The following ADAMTS2 variants were observed in gnomAD, a reference collection of about 807,000 sequenced individuals.
ADAMTS2 encodes the protein ADAM metallopeptidase with thrombospondin type 1 motif 2.
A neutral mutation model predicts 123.0 loss-of-function variants in ADAMTS2; 50 were observed. The observed-to-expected ratio is 0.41, with a 90% CI of 0.32 to 0.51. The LOEUF is 0.51. Among genes scored for constraint, ADAMTS2 ranks in the 20% least tolerant of loss-of-function variants. The pLI is 0.35. For synonymous variants in ADAMTS2, 678 were observed against 695.4 expected (o/e 0.98, Z 0.39); for missense variants, 1,494 against 1,705.2 (o/e 0.88, Z 2.18).
rs566367086 is a variant in ADAMTS2, at chr5:179,285,830, T to A, written c.535-12766A>T. Reference sequence around the variant, plus strand: ...CAAGATTTTTCTTTCTGAGCTTCCATGTCTCACCAGCTGGACCACAGCAGA... The same window carrying A: ...CAAGATTTTTCTTTCTGAGCTTCCAAGTCTCACCAGCTGGACCACAGCAGA... On this transcript the variant is annotated intron_variant, in intron 2 of 21. Transcript: ENST00000251582. The surrounding 1 kb of genome is among the most constrained non-coding windows in gnomAD (Gnocchi z 4.9). 6.6e-6 allele frequency among the ~76,000 whole-genome samples: 1 copy of A among 152,210 alleles called. No homozygotes were observed. Among genetic ancestry groups the A allele is most frequent in the Admixed American group, 6.5e-5 (1 of 15,278 alleles).
chr5:179,327,121 G>A (rs1472347765), intron 2 of ADAMTS2, among the ~76,000 whole-genome samples: 1 of 152,172 alleles, frequency 6.6e-6, no homozygotes, highest in Non-Finnish European at 1.5e-5. Flanking sequence ...TGGTTCTCAA[G>A]AGAAACTGGA....
At chr5:179,178,437 G>A (rs1466575496) in intron 5 of ADAMTS2, among the ~76,000 whole-genome samples, 1 of 152,222 alleles carries the variant, frequency 6.6e-6, no homozygotes, top group Admixed American at 6.5e-5. Flanking sequence ...AGGATGCCCT[G>A]CACATCCCTC....
intron 3 of ADAMTS2, among the ~76,000 whole-genome samples, chr5:179,215,432 G>C (rs1764960094): frequency 1.3e-5 from 2 of 152,140 alleles, no homozygotes; most frequent in Admixed American, 6.6e-5. Context: ...TGAGCAACAA[G>C]AGTGAAACTC....
chr5:179,327,355 C>T (rs937421239), intron 2 of ADAMTS2, among the ~76,000 whole-genome samples: 1 of 152,182 alleles, frequency 6.6e-6, no homozygotes, highest in Non-Finnish European at 1.5e-5. Context: ...CGAATCTACT[C>T]GCCAGCCTTC....
intron 3 of ADAMTS2, among the ~76,000 whole-genome samples, chr5:179,230,509 TGCACACAG>T (rs34403672): frequency 0.21 from 31,180 of 151,968 alleles, 3,991 homozygotes; most frequent in East Asian, 0.6. Flanking sequence ...GGGAGGGCTG[TGCACACAG>T]GCACACAGAG....
chr5:179,130,201 C>T lies in ADAMTS2; in HGVS notation c.2291-103G>A, dbSNP rs1028200680. On this transcript the variant is annotated intron_variant, in intron 15 of 21. Coordinates refer to ENST00000251582, the MANE Select transcript of ADAMTS2 (RefSeq NM_014244.5). The surrounding 1 kb of genome is among the most constrained non-coding windows in gnomAD (Gnocchi z 4.3). ...GGAGTGGGGGCAGCTAGCTGGACCC[C>T]TTGTCTCTCTGGCTGCCCCCGGCCA... The T allele has an allele frequency of 4.2e-6, 6 of 1,428,244 alleles. No individual in the cohort carries two copies. Among genetic ancestry groups the T allele is most frequent in the Admixed American group, 1.8e-5 (1 of 54,598 alleles). The allele number at this position is 1,428,244 out of a possible 1,614,324, so 88.5% of individuals were successfully genotyped here. A position where few individuals can be genotyped will look rare whatever the true frequency, so the allele number is the denominator to read the frequency against.
rs1764256442 is a variant in ADAMTS2 at position 179,189,572 on chromosome 5, T to TG, written c.892-8418dup. On this transcript the variant is annotated intron_variant, in intron 4 of 21. Coordinates refer to ENST00000251582, the MANE Select transcript of ADAMTS2 (RefSeq NM_014244.5). The surrounding 1 kb of genome is among the most constrained non-coding windows in gnomAD (Gnocchi z 4.2). ...CAGGGTTTCACAATGTTAGCCAGGA[T>TG]GGTCTTGATCTCCTGACTTCATGAT... Among the ~76,000 whole-genome samples, 1 of 134,656 alleles carries TG rather than the reference T, an allele frequency of 7.4e-6. No homozygotes were observed. Among genetic ancestry groups the TG allele is most frequent in the Admixed American group, 8.4e-5 (1 of 11,870 alleles). 88.3% of individuals were successfully genotyped at this position (134,656 alleles called of 152,430 possible). A position where few individuals can be genotyped will look rare whatever the true frequency, so the allele number is the denominator to read the frequency against.
Position 179,262,526 on chromosome 5 carries a change from T to TCC in ADAMTS2, c.688+10383_688+10384dup, listed in dbSNP as rs1021865240. 1.3e-5 allele frequency among the ~76,000 whole-genome samples: 2 copies of TCC among 151,746 alleles called. No individual in the cohort carries two copies. Among genetic ancestry groups the TCC allele is most frequent in the African/African-American group, 4.8e-5 (2 of 41,288 alleles). Reference sequence around the variant, plus strand: ...CCTCCCGGCCCTGCACGCCTCCCACTCCCCCATTACGTCCTCAGTTCCAGG... The same window carrying TCC: ...CCTCCCGGCCCTGCACGCCTCCCACTCCCCCCCATTACGTCCTCAGTTCCAGG... On this transcript the variant is annotated intron_variant, in intron 3 of 21. Coordinates refer to ENST00000251582, the MANE Select transcript of ADAMTS2 (RefSeq NM_014244.5). The surrounding 1 kb of genome is among the most constrained non-coding windows in gnomAD (Gnocchi z 5.9).
At position 179,312,102 on chromosome 5, in the gene ADAMTS2, G is replaced by A. The variant is rs1200015564; in HGVS notation, c.534+31665C>T. Among the ~76,000 whole-genome samples, 1 of 152,154 alleles carries A rather than the reference G, an allele frequency of 6.6e-6. No homozygotes were observed. The highest frequency in any genetic ancestry group is 1.5e-5 in the Non-Finnish European group (1 of 68,026). ...ATAACAGTCAGACGACCATGGCAGT[G>A]GTCAGCTGAAAAATGGCCCCCGAAG... On this transcript the variant is annotated intron_variant, in intron 2 of 21. Coordinates refer to ENST00000251582, the MANE Select transcript of ADAMTS2 (RefSeq NM_014244.5). The surrounding 1 kb of genome is among the most constrained non-coding windows in gnomAD (Gnocchi z 4.2).
chr5:179,219,764 C>T (rs956540642), intron 3 of ADAMTS2, among the ~76,000 whole-genome samples: 19 of 152,138 alleles, frequency 1.2e-4, no homozygotes, highest in African/African-American at 4.1e-4. Flanking sequence ...AACACAACTT[C>T]CCCCTCTTCA....
At chr5:179,274,197 A>G (rs1406358435) in intron 2 of ADAMTS2, among the ~76,000 whole-genome samples, 10 of 151,386 alleles carry the variant, frequency 6.6e-5, no homozygotes, top group Admixed American at 2.6e-4. Context: ...TGACAACTCC[A>G]GCTCCTACAC....
chr5:179,324,764 G>T (rs1476617052), intron 2 of ADAMTS2, among the ~76,000 whole-genome samples: 1 of 152,082 alleles, frequency 6.6e-6, no homozygotes, highest in Non-Finnish European at 1.5e-5. Context: ...TTTGATCAGG[G>T]GTCCATGGGC....
intron 10 of ADAMTS2, among the ~76,000 whole-genome samples, chr5:179,146,971 A>G (rs1414355819): frequency 1.3e-5 from 2 of 152,210 alleles, no homozygotes; most frequent in African/African-American, 4.8e-5. Flanking sequence ...GACGTAACCA[A>G]CATTTCTGCA....
chr5:179,336,643 C>T (rs74884811), intron 2 of ADAMTS2, among the ~76,000 whole-genome samples: 18,646 of 152,192 alleles, frequency 0.12, 1,486 homozygotes, highest in East Asian at 0.31. Context: ...TATGCAGACA[C>T]GGCCACCGCT....
Position 179,273,216 on chromosome 5 carries a change from G to A in ADAMTS2, c.535-152C>T, listed in dbSNP as rs186985961. The A allele has an allele frequency of 2.9e-4, 362 of 1,269,124 alleles. 1 individual carries two copies. The East Asian group carries it at 7.9e-3, about 28-fold the overall frequency. The allele number at this position is 1,269,124 out of a possible 1,614,324, so 78.6% of individuals were successfully genotyped here. A position where few individuals can be genotyped will look rare whatever the true frequency, so the allele number is the denominator to read the frequency against. On this transcript the variant is annotated intron_variant, in intron 2 of 21. Transcript: ENST00000251582. ...CAGCTTGAACCCTGGGCTGGCCGGA[G>A]GGTATGAACATGTGGTCCCAGAGGC...
intron 4 of ADAMTS2, among the ~76,000 whole-genome samples, chr5:179,184,775 G>A (rs1468428954): frequency 6.6e-6 from 1 of 152,132 alleles, no homozygotes; most frequent in Non-Finnish European, 1.5e-5. Context: ...AGCAGACCCA[G>A]CAGAACCACT....
At chr5:179,288,401 A>G (rs1160312705) in intron 2 of ADAMTS2, among the ~76,000 whole-genome samples, 1 of 152,170 alleles carries the variant, frequency 6.6e-6, no homozygotes, top group Non-Finnish European at 1.5e-5. Flanking sequence ...ATACCATCTG[A>G]CGAAGGATCC....
chr5:179,241,602 G>C (rs957514951), intron 3 of ADAMTS2, among the ~76,000 whole-genome samples: 3 of 152,182 alleles, frequency 2.0e-5, no homozygotes, highest in Non-Finnish European at 4.4e-5. Flanking sequence ...AAAATCAAAA[G>C]AGCACAGCCT....
chr5:179,176,475 C>G (rs1763932981), intron 5 of ADAMTS2, among the ~76,000 whole-genome samples: 1 of 152,174 alleles, frequency 6.6e-6, no homozygotes, highest in African/African-American at 2.4e-5. Flanking sequence ...CAGCTTCCCT[C>G]CTGTGCTCCC....
Sources: allele counts gnomAD v4.1 joint callset (sites outside exome capture counted in the v4.1 genomes callset), GRCh38; gene constraint gnomAD v4.1.1; non-coding constraint Gnocchi (gnomAD v3.1); transcripts MANE v1.5; gene names NCBI Gene and HGNC (gene_info 2026-07-23, HGNC 2026-07-21).